The following SLCO3A1 variants were observed in gnomAD, a reference collection of about 807,000 sequenced individuals.
SLCO3A1 encodes the protein solute carrier organic anion transporter family member 3A1, also known as PGE1 transporter.
SLCO3A1 carries 27 observed loss-of-function variants against 63.1 expected under a neutral mutation model. That is an observed-to-expected ratio of 0.43 (90% CI 0.32 to 0.59). The LOEUF (loss-of-function observed/expected upper bound fraction) is 0.59, where lower values mean the gene tolerates loss of function less well. Ranked by LOEUF, SLCO3A1 falls within the 20% of genes least tolerant of loss-of-function variation. The probability of loss-of-function intolerance (pLI) is 0.09; values close to 1 mark genes in which losing one functional copy is unlikely to be tolerated. For synonymous variants in SLCO3A1, 473 were observed against 409.9 expected (o/e 1.15, Z -1.86); for missense variants, 773 against 945.8 (o/e 0.82, Z 2.40).
intron 4 of SLCO3A1, among the ~76,000 whole-genome samples, chr15:92,113,792 C>T (rs1290300163): frequency 1.3e-5 from 2 of 152,194 alleles, no homozygotes; most frequent in African/African-American, 4.8e-5. Flanking sequence ...TACCCCTACG[C>T]AAGGGAATGG....
At chr15:92,150,818 T>A (rs988964340) in intron 8 of SLCO3A1, 132 bp from the exon 9 acceptor site, 2 of 565,404 alleles carry the variant, frequency 3.5e-6, no homozygotes, top group Non-Finnish European at 6.1e-6. Flanking sequence ...TTAGTAATTT[T>A]AAAAAAGACA....
At chr15:91,993,797 G>A (rs371303558) in intron 2 of SLCO3A1, among the ~76,000 whole-genome samples, 14 of 152,286 alleles carry the variant, frequency 9.2e-5, no homozygotes, top group Admixed American at 2.0e-4. Flanking sequence ...AGGCTAGATC[G>A]TAAAAGATGT....
chr15:92,111,848 CA>C (rs1405647068), intron 4 of SLCO3A1, among the ~76,000 whole-genome samples: 1 of 152,140 alleles, frequency 6.6e-6, no homozygotes, highest in Non-Finnish European at 1.5e-5. Context: ...CAGGGAAAAA[CA>C]AATCAACAGC....
chr15:91,923,564 G>T (rs1005051085), intron 2 of SLCO3A1, among the ~76,000 whole-genome samples: 5 of 152,158 alleles, frequency 3.3e-5, no homozygotes, highest in African/African-American at 1.2e-4. Context: ...TGTATGGATT[G>T]GCTTTCTGGG....
intron 2 of SLCO3A1, among the ~76,000 whole-genome samples, chr15:92,011,175 T>C (rs1291491209): frequency 6.6e-6 from 1 of 152,242 alleles, no homozygotes; most frequent in Non-Finnish European, 1.5e-5. Context: ...TCCTATCCCA[T>C]GACCATTGCA....
At chr15:92,111,859 C>T (rs1354389533) in intron 4 of SLCO3A1, among the ~76,000 whole-genome samples, 1 of 152,210 alleles carries the variant, frequency 6.6e-6, no homozygotes, top group East Asian at 1.9e-4. Context: ...AAATCAACAG[C>T]AGCAATAACA....
At chr15:91,920,594 A>T (rs1898810820) in intron 2 of SLCO3A1, among the ~76,000 whole-genome samples, 1 of 152,230 alleles carries the variant, frequency 6.6e-6, no homozygotes, top group Admixed American at 6.5e-5. Context: ...CATCTGGGGC[A>T]GGAGCAACTG....
chr15:91,986,041 C>T (rs2046047965), intron 2 of SLCO3A1, among the ~76,000 whole-genome samples: 2 of 152,124 alleles, frequency 1.3e-5, no homozygotes, highest in South Asian at 2.1e-4. Context: ...GGATCTGGTC[C>T]TCTGAGTTTA....
At chr15:91,919,464 TCA>T (rs1338761614) in intron 2 of SLCO3A1, among the ~76,000 whole-genome samples, 2 of 152,232 alleles carry the variant, frequency 1.3e-5, no homozygotes, top group Non-Finnish European at 2.9e-5. Flanking sequence ...GCACCCGGAC[TCA>T]CAGTGCAGCC....
chr15:92,104,374 T>A lies in SLCO3A1; in HGVS notation c.841T>A (p.Leu281Met). 4.3e-6 allele frequency: 7 copies of A among 1,614,188 alleles called. No homozygotes were observed. The highest frequency in any genetic ancestry group is 5.9e-6 in the Non-Finnish European group (7 of 1,180,034). Reference sequence around the variant, plus strand: ...TGCCTTACTCTTCTTCTCTTCCCTCTTGATGTTTGGGTTTCCACAGTCCCT... The same window carrying A: ...TGCCTTACTCTTCTTCTCTTCCCTCATGATGTTTGGGTTTCCACAGTCCCT... ...CGALLFFSSLLMFGFPQSLPP... is the reference protein window; with the variant it reads ...CGALLFFSSLMMFGFPQSLPP... The change falls in exon 4 of 10, where the codon TTG becomes ATG. Residue 281 changes from leucine to methionine, a missense_variant. Leu to Met is a conservative substitution (Grantham distance 15, BLOSUM62 2). Transcript: ENST00000318445.
intron 2 of SLCO3A1, among the ~76,000 whole-genome samples, chr15:92,021,773 T>C (rs2046512277): frequency 6.6e-6 from 1 of 152,152 alleles, no homozygotes; most frequent in Admixed American, 6.5e-5. Context: ...GAGGTACTTT[T>C]ATTGTTAACG....
chr15:92,119,958 T>A (rs2047842594), intron 4 of SLCO3A1, among the ~76,000 whole-genome samples: 1 of 152,250 alleles, frequency 6.6e-6, no homozygotes, highest in South Asian at 2.1e-4. Context: ...GCACAAGAAT[T>A]TCATATCTTT....
chr15:92,136,033 G>A, intron 7 of SLCO3A1, among the ~76,000 whole-genome samples: 1 of 152,102 alleles, frequency 6.6e-6, no homozygotes, highest in East Asian at 1.9e-4. Flanking sequence ...CAGGCAGGTG[G>A]CTTACTTGAG....
At chr15:92,016,792 G>A (rs2046443106) in intron 2 of SLCO3A1, among the ~76,000 whole-genome samples, 2 of 151,954 alleles carry the variant, frequency 1.3e-5, no homozygotes, top group South Asian at 2.1e-4. Context: ...AGGAGGAGGA[G>A]GGAAAGATTG....
At chr15:91,873,456 C>T (rs1003908488) in intron 1 of SLCO3A1, among the ~76,000 whole-genome samples, 2 of 151,936 alleles carry the variant, frequency 1.3e-5, no homozygotes, top group Admixed American at 6.6e-5. Flanking sequence ...ACAGTGGACA[C>T]CCATGTACTC....
intron 4 of SLCO3A1, among the ~76,000 whole-genome samples, chr15:92,119,033 T>C (rs2047829234): frequency 6.6e-6 from 1 of 152,198 alleles, no homozygotes; most frequent in Non-Finnish European, 1.5e-5. Context: ...ACGCATTCGA[T>C]GTATCAGCTG....
chr15:92,166,851 G>A (rs1192414381), downstream of SLCO3A1, among the ~76,000 whole-genome samples: 2 of 152,232 alleles, frequency 1.3e-5, no homozygotes, highest in East Asian at 1.9e-4. Context: ...TTTTCTTGCC[G>A]CCTGCTGCTT....
chr15:92,035,915 G>A (rs1394323416), intron 2 of SLCO3A1, among the ~76,000 whole-genome samples: 1 of 151,804 alleles, frequency 6.6e-6, no homozygotes, highest in African/African-American at 2.4e-5. Flanking sequence ...GTCCCATCCT[G>A]AGCTCACTGG....
At chr15:92,142,020 G>A (rs1380128929) in intron 7 of SLCO3A1, among the ~76,000 whole-genome samples, 6 of 152,170 alleles carry the variant, frequency 3.9e-5, no homozygotes, top group African/African-American at 1.4e-4. Context: ...CCAAGTCCTT[G>A]CACAGATCAC....
Sources: allele counts gnomAD v4.1 joint callset (sites outside exome capture counted in the v4.1 genomes callset), GRCh38; gene constraint gnomAD v4.1.1; transcripts MANE v1.5; gene names NCBI Gene and HGNC (gene_info 2026-07-23, HGNC 2026-07-21).